The following MTSS1 variants were observed in gnomAD, a reference collection of about 807,000 sequenced individuals.
The protein encoded by MTSS1 is protein MTSS 1.
In MTSS1, 18 loss-of-function variants were observed where a neutral mutation model predicts 79.0. That is an observed-to-expected ratio of 0.23 (90% CI 0.16 to 0.34). MTSS1 has a LOEUF of 0.34. MTSS1 is among the 10% of genes least tolerant of loss of function. The pLI is 1.00. For synonymous variants in MTSS1, 341 were observed against 368.6 expected (o/e 0.93, Z 0.86); for missense variants, 815 against 986.2 (o/e 0.83, Z 2.33).
At chr8:124,570,125 A>G (rs182929640) in intron 6 of MTSS1, among the ~76,000 whole-genome samples, 1 of 152,216 alleles carries the variant, frequency 6.6e-6, no homozygotes, top group Non-Finnish European at 1.5e-5. Flanking sequence ...GCACATCCCA[A>G]TAGAAAAGGT....
chr8:124,603,315 A>G (rs1021958459), intron 3 of MTSS1, among the ~76,000 whole-genome samples: 1 of 152,090 alleles, frequency 6.6e-6, no homozygotes, highest in Non-Finnish European at 1.5e-5. Context: ...TGTGAGCCAC[A>G]GTGCCTGGCC....
chr8:124,555,809 C>T lies in MTSS1; in HGVS notation c.1500G>A (p.Gln500=), dbSNP rs1227310716. The T allele has an allele frequency of 6.2e-7, 1 of 1,613,628 alleles. No individual in the cohort carries two copies. Among genetic ancestry groups the T allele is most frequent in the African/African-American group, 1.3e-5 (1 of 75,050 alleles). ...TCTGGGTGCTGTAGCCGCTGGAGCA[C>T]TGAAGCGAGTCCCGGCTGCTCCTCT... The part of the protein sequence containing the change: ...DTQRSSRDSL[Q]CSSGYSTQTT... The change falls in exon 13 of 14, where the codon CAG becomes CAA. Residue 500 remains glutamine, a synonymous_variant. Transcript: ENST00000518547.
intron 3 of MTSS1, among the ~76,000 whole-genome samples, chr8:124,611,180 T>G: frequency 6.9e-6 from 1 of 144,690 alleles, no homozygotes; most frequent in Non-Finnish European, 1.5e-5. Context: ...CCCAGGGCCC[T>G]GCCCATCAAT....
intron 3 of MTSS1, among the ~76,000 whole-genome samples, chr8:124,624,236 C>A (rs188144016): frequency 2.2e-4 from 34 of 152,344 alleles, no homozygotes; most frequent in African/African-American, 8.2e-4. Context: ...GAGAAAGCAG[C>A]AAGCCCACAA....
At position 124,551,749 on chromosome 8, in the gene MTSS1, AT is replaced by A. The variant is rs5894713; in HGVS notation, c.*1242del. ...AAAAGACAAATCTTTTCCAAAAAAC[AT>A]TTACCCAGAATACAAAAAAAGGACA... On this transcript the variant is annotated 3_prime_UTR_variant, in exon 14 of 14. Coordinates refer to ENST00000518547, the MANE Select transcript of MTSS1 (RefSeq NM_014751.6). The A allele has an allele frequency of 0.19, 29,093 of 152,248 alleles. 3,291 individuals are homozygous for A. Among genetic ancestry groups the A allele is most frequent in the South Asian group, 0.36 (1,745 of 4,822 alleles). 9.4% of individuals were successfully genotyped at this position (152,248 alleles called of 1,614,324 possible).
chr8:124,565,649 C>T lies in MTSS1; in HGVS notation c.824+13G>A, dbSNP rs772333284. ...CCGTCCTGAAAGCAAGAGTGGACCC[C>T]GGCTTCACTCACCTGCAGACACTGG... On this transcript the variant is annotated intron_variant, in intron 9 of 13. Transcript: ENST00000518547. 3.4e-5 allele frequency: 55 copies of T among 1,608,676 alleles called. No homozygotes were observed. The highest frequency in any genetic ancestry group is 3.3e-4 in the Middle Eastern group (2 of 6,072).
intron 7 of MTSS1, among the ~76,000 whole-genome samples, chr8:124,567,437 C>G (rs1025267942): frequency 3.9e-5 from 6 of 152,216 alleles, no homozygotes; most frequent in African/African-American, 1.4e-4. Flanking sequence ...CTCCCAGGGC[C>G]TGGGGGACTG....
chr8:124,555,167 C>T (rs139725894), intron 13 of MTSS1, among the ~76,000 whole-genome samples: 2,630 of 152,334 alleles, frequency 0.017, 30 homozygotes, highest in Non-Finnish European at 0.024. Flanking sequence ...TATTACAGCA[C>T]ATGTCTCCAT....
intron 3 of MTSS1, among the ~76,000 whole-genome samples, chr8:124,596,264 C>G (rs896826932): frequency 6.6e-6 from 1 of 152,238 alleles, no homozygotes; most frequent in Admixed American, 6.5e-5. Flanking sequence ...GCCTCTCATG[C>G]TTCTTCCCAG....
intron 1 of MTSS1, among the ~76,000 whole-genome samples, chr8:124,715,027 G>A (rs534140570): frequency 9.2e-5 from 14 of 152,250 alleles, no homozygotes; most frequent in Non-Finnish European, 1.6e-4. Flanking sequence ...TATTGAACCT[G>A]AGCAAAACAC....
chr8:124,585,342 G>A (rs573139032), intron 5 of MTSS1, among the ~76,000 whole-genome samples, 181 bp from the exon 6 acceptor site: 5 of 151,928 alleles, frequency 3.3e-5, no homozygotes, highest in South Asian at 2.1e-4. Context: ...CTAGAGACAC[G>A]AAAACAAAAT....
rs1041536687 is a variant in MTSS1 at position 124,597,530 on chromosome 8, C to T, written c.209-6295G>A. Among the ~76,000 whole-genome samples, 5 of 152,384 alleles carry T rather than the reference C, an allele frequency of 3.3e-5. No individual in the cohort carries two copies. The highest frequency in any genetic ancestry group is 5.9e-5 in the Non-Finnish European group (4 of 68,046). Reference sequence around the variant, plus strand: ...CCTTGCTGCAGAGACCTGGCAGCGACAGGCAGGACGGTGGGTCCTTCGAGT... The same window carrying T: ...CCTTGCTGCAGAGACCTGGCAGCGATAGGCAGGACGGTGGGTCCTTCGAGT... On this transcript the variant is annotated intron_variant, in intron 3 of 13. Transcript: ENST00000518547. This position sits in a 1 kb window ranked among gnomAD's most constrained non-coding sequence, Gnocchi z 4.6.
At position 124,568,865 on chromosome 8, in the gene MTSS1, A is replaced by G. The variant is rs1586870916; in HGVS notation, c.461-329T>C. 3.1e-5 allele frequency: 44 copies of G among 1,427,542 alleles called. No homozygotes were observed. The East Asian group carries it at 1.1e-3, about 34-fold the overall frequency. The allele number at this position is 1,427,542 out of a possible 1,614,324, so 88.4% of individuals were successfully genotyped here. On this transcript the variant is annotated intron_variant, in intron 6 of 13. Transcript: ENST00000518547. ...ACCCTGGAACACAGAGCCAGACAGC[A>G]TTCTTTCCTTGCAGAACATTCTGAA...
intron 3 of MTSS1, among the ~76,000 whole-genome samples, chr8:124,629,697 G>A (rs1420770706): frequency 2.6e-5 from 4 of 151,994 alleles, no homozygotes; most frequent in African/African-American, 4.8e-5. Context: ...CTCCTGTCCT[G>A]CTGGAGGCTG....
intron 3 of MTSS1, among the ~76,000 whole-genome samples, chr8:124,646,061 G>C (rs955830670): frequency 5.9e-5 from 9 of 152,040 alleles, no homozygotes; most frequent in East Asian, 3.8e-4. Context: ...GGACAGTGAG[G>C]GTTTTAAAAA....
intron 1 of MTSS1, among the ~76,000 whole-genome samples, chr8:124,721,763 C>T (rs1396965208): frequency 6.6e-6 from 1 of 152,142 alleles, no homozygotes; most frequent in Non-Finnish European, 1.5e-5. Context: ...CCAGAATTAC[C>T]TGGGGTGCTT....
chr8:124,586,758 G>C (rs1332938596), intron 5 of MTSS1, among the ~76,000 whole-genome samples: 1 of 152,196 alleles, frequency 6.6e-6, no homozygotes, highest in Non-Finnish European at 1.5e-5. Flanking sequence ...AGGTATGCAG[G>C]CCGGACAATG....
intron 3 of MTSS1, among the ~76,000 whole-genome samples, chr8:124,627,395 G>C (rs939671033): frequency 1.3e-5 from 2 of 152,212 alleles, no homozygotes; most frequent in African/African-American, 4.8e-5. Context: ...AACCCTCAAG[G>C]CAGGCATCTA....
chr8:124,623,660 G>A (rs953023050), intron 3 of MTSS1, among the ~76,000 whole-genome samples: 1 of 152,152 alleles, frequency 6.6e-6, no homozygotes, highest in Admixed American at 6.5e-5. Context: ...TTGAGACAGG[G>A]TCTTGCTCTG....
Sources: gnomAD v4.1 joint callset for allele counts (sites outside exome capture counted in the v4.1 genomes callset) on GRCh38, gnomAD v4.1.1 for gene constraint, Gnocchi (gnomAD v3.1) non-coding constraint, MANE v1.5 for transcripts, NCBI Gene and HGNC (gene_info 2026-07-23, HGNC 2026-07-21) for gene names.